TRNAU1AP: variants seen among roughly 807,000 people sequenced by gnomAD.
The protein encoded by TRNAU1AP is tRNA selenocysteine 1-associated protein 1.
In TRNAU1AP, 33 loss-of-function variants were observed where a neutral mutation model predicts 43.3. The observed-to-expected ratio is 0.76, with a 90% CI of 0.58 to 1.02. The LOEUF is 1.02. Ranked by LOEUF, TRNAU1AP falls within the 50% of genes least tolerant of loss-of-function variation. TRNAU1AP has a pLI of 0.00. For synonymous variants in TRNAU1AP, 143 were observed against 129.1 expected (o/e 1.11, Z -0.73); for missense variants, 290 against 362.7 (o/e 0.80, Z 1.63).
chr1:28,559,723 C>T (rs1034173052), intron 2 of TRNAU1AP, among the ~76,000 whole-genome samples: 2 of 152,094 alleles, frequency 1.3e-5, no homozygotes, highest in African/African-American at 4.8e-5. Context: ...TTTGCATAGT[C>T]TATCTCTAAA....
At chr1:28,558,364 A>G (rs1170471042) in intron 2 of TRNAU1AP, among the ~76,000 whole-genome samples, 1 of 147,662 alleles carries the variant, frequency 6.8e-6, no homozygotes, top group African/African-American at 2.5e-5. Flanking sequence ...ACAGGCACAC[A>G]CCACCCCACC....
At chr1:28,573,377 A>G (rs1665704248) in intron 8 of TRNAU1AP, among the ~76,000 whole-genome samples, 1 of 149,938 alleles carries the variant, frequency 6.7e-6, no homozygotes, top group Admixed American at 6.6e-5. Flanking sequence ...ACGGTGGCTC[A>G]CCCCTGTAAT....
chr1:28,565,122 T>C (rs905325286), intron 5 of TRNAU1AP: 5 of 373,934 alleles, frequency 1.3e-5, no homozygotes, highest in African/African-American at 6.5e-5. Flanking sequence ...TAAGTCACAT[T>C]TGAAATGCTT....
chr1:28,561,901 T>A (rs149500944), intron 4 of TRNAU1AP, among the ~76,000 whole-genome samples: 9,610 of 152,080 alleles, frequency 0.063, 861 homozygotes, highest in African/African-American at 0.2. Flanking sequence ...TGAAACCCCG[T>A]CTCTACTAAA....
At chr1:28,561,497 C>T (rs1451432001) in intron 4 of TRNAU1AP, 99 bp downstream of exon 4, 3 of 1,358,002 alleles carry the variant, frequency 2.2e-6, no homozygotes, top group African/African-American at 2.9e-5. Context: ...ACTTGGTTCC[C>T]TCCTGAAGGA....
intron 4 of TRNAU1AP, 131 bp from the exon 5 acceptor site, chr1:28,564,572 G>T: frequency 9.2e-7 from 1 of 1,085,492 alleles, no homozygotes. Flanking sequence ...CAAAGTAGGG[G>T]CTGGTTAAGT....
At chr1:28,554,025 C>T in intron 2 of TRNAU1AP, 1 of 241,666 alleles carries the variant, frequency 4.1e-6, no homozygotes, top group Non-Finnish European at 8.4e-6. Context: ...TGGTGAAACC[C>T]CGTCTCTACT....
rs1360806293 is a variant in TRNAU1AP, at chr1:28,577,673, GGAGAT to G, written c.*42_*46del. 1.3e-6 allele frequency: 2 copies of G among 1,559,708 alleles called. No homozygotes were observed. The highest frequency in any genetic ancestry group is 2.4e-5 in the South Asian group (2 of 84,612). On this transcript the variant is annotated 3_prime_UTR_variant, in exon 9 of 9. Coordinates refer to ENST00000373830, the MANE Select transcript of TRNAU1AP (RefSeq NM_017846.5). ...GACAAGCCAGGTTGCATGATGTGAG[GGAGAT>G]GAGAGACTCCTTTTTAAAAATTGTG... is the stretch of plus-strand genomic sequence containing the variant.
chr1:28,570,989 C>T lies in TRNAU1AP; in HGVS notation c.531-187C>T, dbSNP rs535327881. ...CTGAGGCAGGAGAATCGCTTGAACCCGGGAGGCGCAGGTTGCAGTGAGCCG... is the reference window on the plus strand; with the variant it reads ...CTGAGGCAGGAGAATCGCTTGAACCTGGGAGGCGCAGGTTGCAGTGAGCCG... On this transcript the variant is annotated intron_variant, in intron 6 of 8. Coordinates refer to ENST00000373830, the MANE Select transcript of TRNAU1AP (RefSeq NM_017846.5). Among the ~76,000 whole-genome samples, 8 of 151,962 alleles carry T rather than the reference C, an allele frequency of 5.3e-5. No homozygotes were observed. In the South Asian group the frequency reaches 8.3e-4, roughly 16 times the overall value.
At position 28,567,300 on chromosome 1, in the gene TRNAU1AP, T is replaced by C. The variant is rs775908719; in HGVS notation, c.417T>C (p.Tyr139=). The change falls in exon 6 of 9, where the codon TAT becomes TAC. Residue 139 remains tyrosine, a synonymous_variant. Coordinates refer to ENST00000373830, the MANE Select transcript of TRNAU1AP (RefSeq NM_017846.5). The part of the protein sequence containing the change: ...VLDQTGVSKG[Y]GFVKFTDELE... Reference sequence around the variant, plus strand: ...GTATATTTTTTTCATGCAGGGGTTATGGTTTTGTGAAATTCACAGATGAAC... The same window carrying C: ...GTATATTTTTTTCATGCAGGGGTTACGGTTTTGTGAAATTCACAGATGAAC... 6.2e-7 allele frequency: 1 copy of C among 1,613,024 alleles called. No homozygotes were observed. Among genetic ancestry groups the C allele is most frequent in the African/African-American group, 1.3e-5 (1 of 74,988 alleles).
chr1:28,554,925 A>G (rs1665225393), intron 2 of TRNAU1AP, among the ~76,000 whole-genome samples: 1 of 151,594 alleles, frequency 6.6e-6, no homozygotes, highest in Non-Finnish European at 1.5e-5. Context: ...AGGGCCCTTA[A>G]CTCTTATGCC....
intron 4 of TRNAU1AP, among the ~76,000 whole-genome samples, chr1:28,562,632 G>A (rs1188267861): frequency 1.3e-5 from 2 of 151,044 alleles, no homozygotes; most frequent in Non-Finnish European, 1.5e-5. Flanking sequence ...CCAGGCTGGC[G>A]TGCAGTGGCA....
chr1:28,572,934 C>CAA (rs200836155), intron 8 of TRNAU1AP, among the ~76,000 whole-genome samples: 1 of 144,476 alleles, frequency 6.9e-6, no homozygotes, highest in Non-Finnish European at 1.5e-5. Flanking sequence ...GACTCCGTCT[C>CAA]AAAAAAAAAG....
intron 5 of TRNAU1AP, chr1:28,565,905 G>A (rs181646137): frequency 2.2e-4 from 33 of 152,352 alleles, no homozygotes; most frequent in African/African-American, 7.5e-4. Context: ...TTTGAATCAT[G>A]CTTCTGCCAT....
chr1:28,562,897 CTTT>C (rs780392283), intron 4 of TRNAU1AP, among the ~76,000 whole-genome samples: 2 of 118,578 alleles, frequency 1.7e-5, no homozygotes, highest in Admixed American at 8.9e-5. Context: ...TTTGTGTATT[CTTT>C]TTTTTTTTTT....
intron 8 of TRNAU1AP, among the ~76,000 whole-genome samples, chr1:28,577,180 A>T (rs1480681850): frequency 6.6e-6 from 1 of 152,174 alleles, no homozygotes; most frequent in South Asian, 2.1e-4. Flanking sequence ...GATGCTCTGG[A>T]CTTAATAACT....
intron 2 of TRNAU1AP, among the ~76,000 whole-genome samples, chr1:28,555,044 C>A (rs1319915708): frequency 6.6e-6 from 1 of 151,784 alleles, no homozygotes; most frequent in Non-Finnish European, 1.5e-5. Context: ...TGGAGACCAG[C>A]CTGACCAACA....
rs1298276029 is a variant in TRNAU1AP at position 28,553,750 on chromosome 1, T to G, written c.125+13T>G. 6.2e-7 allele frequency: 1 copy of G among 1,609,986 alleles called. No homozygotes were observed. The highest frequency in any genetic ancestry group is 8.5e-7 in the Non-Finnish European group (1 of 1,176,246). ...ACCGCCTCACTGGGTAAGTCTCATCTCAGGTCTCTCTTAATACATCTCGTT... is the reference window on the plus strand; with the variant it reads ...ACCGCCTCACTGGGTAAGTCTCATCGCAGGTCTCTCTTAATACATCTCGTT... On this transcript the variant is annotated intron_variant, in intron 2 of 8. Coordinates refer to ENST00000373830, the MANE Select transcript of TRNAU1AP (RefSeq NM_017846.5).
chr1:28,557,846 C>CA (rs1665304486), intron 2 of TRNAU1AP, among the ~76,000 whole-genome samples: 1 of 152,006 alleles, frequency 6.6e-6, no homozygotes, highest in Non-Finnish European at 1.5e-5. Flanking sequence ...CTTGGCCTCC[C>CA]AAAGTTCTGG....
Sources: allele counts gnomAD v4.1 joint callset (sites outside exome capture counted in the v4.1 genomes callset), GRCh38; gene constraint gnomAD v4.1.1; transcripts MANE v1.5; gene names NCBI Gene and HGNC (gene_info 2026-07-23, HGNC 2026-07-21).